The following EIF4E2 variants were observed in gnomAD, a reference collection of about 807,000 sequenced individuals.
The protein encoded by EIF4E2 is eukaryotic translation initiation factor 4E type 2.
EIF4E2 carries 13 observed loss-of-function variants against 34.2 expected under a neutral mutation model. The ratio of observed to expected loss-of-function variants is 0.38; its 90% CI spans 0.25 to 0.60. The LOEUF is 0.60. EIF4E2 is among the 20% of genes least tolerant of loss of function. EIF4E2 has a pLI of 0.62. For missense variants in EIF4E2, 222 were observed against 315.1 expected (o/e 0.70, Z 2.24); for synonymous variants, 100 against 106.6 (o/e 0.94, Z 0.38).
chr2:232,575,049 A>T (rs1033890781), intron 6 of EIF4E2, among the ~76,000 whole-genome samples: 3 of 152,244 alleles, frequency 2.0e-5, no homozygotes, highest in African/African-American at 7.2e-5. Context: ...GGAATGGATG[A>T]AAGGCCAATG....
At chr2:232,559,723 TGTTTGAGCCCAGGA>T (rs1271589649) in intron 3 of EIF4E2, among the ~76,000 whole-genome samples, 3 of 151,308 alleles carry the variant, frequency 2.0e-5, no homozygotes, top group African/African-American at 7.3e-5. Flanking sequence ...GTGGGAAGAT[TGTTTGAGCCCAGGA>T]GTTTGAGACC....
chr2:232,556,290 A>C (rs1179181513), intron 1 of EIF4E2, 126 bp from the exon 2 acceptor site: 15 of 693,660 alleles, frequency 2.2e-5, no homozygotes, highest in Non-Finnish European at 3.7e-5. Flanking sequence ...CCCTTCTTAC[A>C]TCTCAGGGCC....
chr2:232,553,111 C>T (rs977001842), intron 1 of EIF4E2, among the ~76,000 whole-genome samples: 6 of 152,180 alleles, frequency 3.9e-5, no homozygotes, highest in African/African-American at 1.2e-4. Context: ...ACTGTATGGA[C>T]TCAACTTCTC....
intron 6 of EIF4E2, among the ~76,000 whole-genome samples, chr2:232,576,708 G>A (rs537024785): frequency 6.6e-6 from 1 of 152,290 alleles, no homozygotes; most frequent in South Asian, 2.1e-4. Context: ...AGGACTTCAT[G>A]TCGCATTTCT....
intron 6 of EIF4E2, among the ~76,000 whole-genome samples, chr2:232,580,132 A>T (rs1177251004): frequency 3.6e-5 from 5 of 137,580 alleles, no homozygotes; most frequent in South Asian, 2.3e-4. Context: ...ACACACACAC[A>T]CTTTCAAGAA....
intron 6 of EIF4E2, chr2:232,567,680 T>TAGAGC: frequency 2.0e-6 from 2 of 1,010,936 alleles, no homozygotes; most frequent in Non-Finnish European, 2.4e-6. Flanking sequence ...TCCTTGTGTA[T>TAGAGC]AGAGCTGACT....
At chr2:232,561,900 G>A (rs1229878835) in intron 3 of EIF4E2, among the ~76,000 whole-genome samples, 2 of 151,670 alleles carry the variant, frequency 1.3e-5, no homozygotes, top group Admixed American at 1.3e-4. Flanking sequence ...AATTAGAACT[G>A]TCAAATCTTT....
At chr2:232,564,612 G>A (rs917883159) in intron 4 of EIF4E2, among the ~76,000 whole-genome samples, 2 of 152,200 alleles carry the variant, frequency 1.3e-5, no homozygotes, top group Non-Finnish European at 2.9e-5. Flanking sequence ...CACCGCGCCC[G>A]GCTAATTTTT....
intron 2 of EIF4E2, 38 bp from the exon 3 acceptor site, chr2:232,557,846 C>G: frequency 6.2e-7 from 1 of 1,604,682 alleles, no homozygotes; most frequent in Non-Finnish European, 8.5e-7. Flanking sequence ...GACCACGTGA[C>G]AAATGCCCAG....
chr2:232,551,239 G>A (rs1480010974), intron 1 of EIF4E2: 7 of 473,414 alleles, frequency 1.5e-5, no homozygotes, highest in Non-Finnish European at 2.6e-5. Flanking sequence ...TGCTGCCCTC[G>A]ACGCGGTGGA....
intron 3 of EIF4E2, chr2:232,558,503 T>G (rs1692601756): frequency 6.6e-6 from 1 of 152,316 alleles, no homozygotes; most frequent in Admixed American, 6.5e-5. Context: ...CAGGCTGGTC[T>G]GGAACTCCTG....
intron 3 of EIF4E2, among the ~76,000 whole-genome samples, chr2:232,560,948 G>T (rs1257746535): frequency 6.6e-6 from 1 of 152,178 alleles, no homozygotes; most frequent in East Asian, 1.9e-4. Context: ...GCTCTAGTAG[G>T]CTTCTAAAAG....
downstream of EIF4E2, among the ~76,000 whole-genome samples, chr2:232,571,393 T>C (rs1186691270): frequency 6.6e-6 from 1 of 152,228 alleles, no homozygotes; most frequent in East Asian, 1.9e-4. Flanking sequence ...TTCCCCATAT[T>C]CTCTGCTTTG....
rs1294785336 is a variant in EIF4E2 at position 232,569,158 on chromosome 2, C to CA, written c.*142dup. On this transcript the variant is annotated 3_prime_UTR_variant, in exon 7 of 7. Transcript: ENST00000258416. ...ATTTTATGTTTTAAGAACAGGCTGA[C>CA]ACGCAGCAGCTACAACAACAGCTGA... 6.8e-7 allele frequency: 1 copy of CA among 1,466,876 alleles called. No individual in the cohort carries two copies. Among genetic ancestry groups the CA allele is most frequent in the East Asian group, 2.5e-5 (1 of 40,128 alleles). The allele number at this position is 1,466,876 out of a possible 1,614,324, so 90.9% of individuals were successfully genotyped here.
exon 7 of EIF4E2, chr2:232,582,964 C>T (rs1308070823): frequency 6.6e-6 from 1 of 152,216 alleles, no homozygotes; most frequent in Admixed American, 6.5e-5. Flanking sequence ...GCCTGTTAGG[C>T]AGCATCTTAC....
At chr2:232,577,697 C>T (rs1693255639) in intron 6 of EIF4E2, among the ~76,000 whole-genome samples, 1 of 152,202 alleles carries the variant, frequency 6.6e-6, no homozygotes, top group East Asian at 1.9e-4. Context: ...TCTGAGACAT[C>T]ATCAGGACAA....
chr2:232,554,739 C>T (rs976296031), intron 1 of EIF4E2, among the ~76,000 whole-genome samples: 4 of 152,184 alleles, frequency 2.6e-5, no homozygotes, highest in African/African-American at 9.7e-5. Context: ...TCATCTGCTC[C>T]ATTCTCTTAT....
chr2:232,567,179 C>G lies in EIF4E2; in HGVS notation c.630C>G (p.Thr210=), dbSNP rs370036253. The G allele has an allele frequency of 3.3e-4, 526 of 1,614,068 alleles. No homozygotes were observed. Among genetic ancestry groups the G allele is most frequent in the Non-Finnish European group, 4.1e-4 (481 of 1,180,046 alleles). ...LRRVLNLPPN[T]IMEYKTHTDS... is the part of the protein sequence containing the mutation. ...GAGTGCTTAACCTACCTCCCAACAC[C>G]ATTATGGAATACAAAACTCACACCG... is the stretch of plus-strand genomic sequence containing the variant. Residue 210 remains threonine, a synonymous_variant, in exon 6 of 7, where the codon ACC becomes ACG. Coordinates refer to ENST00000258416, the MANE Select transcript of EIF4E2 (RefSeq NM_004846.4).
At chr2:232,573,131 T>C (rs2106253858), downstream of EIF4E2, among the ~76,000 whole-genome samples, 1 of 152,326 alleles carries the variant, frequency 6.6e-6, no homozygotes, top group Non-Finnish European at 1.5e-5. Context: ...GTTTGGGAAT[T>C]GACAAAGACT....
Sources: gnomAD v4.1 joint callset for allele counts (sites outside exome capture counted in the v4.1 genomes callset) on GRCh38, gnomAD v4.1.1 for gene constraint, MANE v1.5 for transcripts, NCBI Gene and HGNC (gene_info 2026-07-23, HGNC 2026-07-21) for gene names.